The following HERC6 variants were observed in gnomAD, a reference collection of about 807,000 sequenced individuals.
The protein encoded by HERC6 is probable E3 ubiquitin-protein ligase HERC6.
A neutral mutation model predicts 114.5 loss-of-function variants in HERC6; 101 were observed. That is an observed-to-expected ratio of 0.88 (90% CI 0.75 to 1.04). The LOEUF is 1.04. HERC6 is among the 50% of genes least tolerant of loss of function. The pLI is 0.00. For synonymous variants in HERC6, 408 were observed against 436.2 expected (o/e 0.94, Z 0.81); for missense variants, 1,133 against 1,230.9 (o/e 0.92, Z 1.19).
At chr4:88,415,295 T>A (rs1171992135) in intron 12 of HERC6, among the ~76,000 whole-genome samples, 1 of 152,218 alleles carries the variant, frequency 6.6e-6, no homozygotes, top group African/African-American at 2.4e-5. Context: ...ATTTAATGGC[T>A]GAAGAATGTT....
Position 88,424,679 on chromosome 4 carries a change from G to A in HERC6, c.1912G>A (p.Ala638Thr), listed in dbSNP as rs765390732. 5.0e-6 allele frequency: 8 copies of A among 1,605,352 alleles called. No homozygotes were observed. The highest frequency in any genetic ancestry group is 1.3e-5 in the African/African-American group (1 of 74,618). The change falls in exon 15 of 23, where the codon GCT (alanine) becomes ACT (threonine). Residue 638 changes from alanine (A) to threonine (T), a missense_variant. Ala to Thr is a moderately conservative substitution (Grantham distance 58, BLOSUM62 0). Coordinates refer to ENST00000264346, the MANE Select transcript of HERC6 (RefSeq NM_017912.4). The stretch of plus-strand genomic sequence containing the variant: ...GCTATCCAAAATTAAATTATTGCAA[G>A]CTGATTCACATATAAAGATGCAGGT... ...NSLSKIKLLQ[A>T]DSHIKMQMSE... is the part of the protein sequence containing the mutation.
intron 8 of HERC6, 102 bp downstream of exon 8, chr4:88,398,311 C>A: frequency 1.8e-6 from 1 of 568,616 alleles, no homozygotes; most frequent in Non-Finnish European, 2.9e-6. Context: ...AGGTCTTTTA[C>A]TAAAACAATA....
At chr4:88,405,318 A>T (rs562488885) in intron 9 of HERC6, among the ~76,000 whole-genome samples, 10 of 152,334 alleles carry the variant, frequency 6.6e-5, no homozygotes, top group African/African-American at 2.4e-4. Context: ...TGGTCTTCAC[A>T]GGGATAGGTT....
In HERC6 at chr4:88,442,468, T is replaced by C. The variant is rs754535194; in HGVS notation, c.*8T>C. On this transcript the variant is annotated 3_prime_UTR_variant, in exon 23 of 23. Coordinates refer to ENST00000264346, the MANE Select transcript of HERC6 (RefSeq NM_017912.4). ...ATGCTCACACAGTCATAATCACCTCTGAGAGACTCAGGGTGGGCTTTCTCA... is the reference window on the plus strand; with the variant it reads ...ATGCTCACACAGTCATAATCACCTCCGAGAGACTCAGGGTGGGCTTTCTCA... The C allele has an allele frequency of 1.3e-6, 2 of 1,598,576 alleles. No homozygotes were observed. The highest frequency in any genetic ancestry group is 1.3e-5 in the African/African-American group (1 of 74,598).
intron 19 of HERC6, 43 bp downstream of exon 19, chr4:88,437,014 G>A (rs1300860754): frequency 2.9e-6 from 4 of 1,362,764 alleles, no homozygotes; most frequent in Non-Finnish European, 4.0e-6. Context: ...GCTTTAATCT[G>A]TTTCTAAAAA....
At chr4:88,386,639 T>C (rs115785747) in intron 3 of HERC6, among the ~76,000 whole-genome samples, 1 of 152,124 alleles carries the variant, frequency 6.6e-6, no homozygotes, top group East Asian at 1.9e-4. Context: ...GATAATAAAT[T>C]GTGGGAAAGT....
chr4:88,440,184 C>CCTA lies in HERC6; in HGVS notation c.2780_2782dup (p.Thr927dup), dbSNP rs376201530. 6.0e-5 allele frequency: 97 copies of CCTA among 1,609,006 alleles called. No individual in the cohort carries two copies. In the African/African-American group the frequency reaches 1.2e-3, roughly 20 times the overall value. ...TGAGCAAGGATACCAAAAATCACAT[C>CCTA]CTACTATACAGTTGTTTTGGAAGGC... is the stretch of plus-strand genomic sequence containing the variant. On this transcript the variant is annotated inframe_insertion, in exon 22 of 23. Coordinates refer to ENST00000264346, the MANE Select transcript of HERC6 (RefSeq NM_017912.4).
chr4:88,442,139 A>G (rs1471970523), intron 22 of HERC6, 95 bp from the exon 23 acceptor site: 2 of 869,982 alleles, frequency 2.3e-6, no homozygotes, highest in South Asian at 1.6e-5. Context: ...AGGACATTCA[A>G]TAAATACTTA....
At chr4:88,401,490 C>CAAAA (rs934279048) in intron 8 of HERC6, among the ~76,000 whole-genome samples, 2 of 56,732 alleles carry the variant, frequency 3.5e-5, no homozygotes, top group Admixed American at 4.1e-4. Context: ...GACTCCATCT[C>CAAAA]AAAAAAAAAA....
At position 88,436,893 on chromosome 4, in the gene HERC6, A is replaced by C; in HGVS notation, c.2418-12A>C. 6.3e-7 allele frequency: 1 copy of C among 1,584,872 alleles called. No homozygotes were observed. Among genetic ancestry groups the C allele is most frequent in the African/African-American group, 1.4e-5 (1 of 73,850 alleles). On this transcript the variant is annotated splice_polypyrimidine_tract_variant and intron_variant, in intron 18 of 22. Transcript: ENST00000264346. ...CAATAAATATAATTTTTAAAACCAA[A>C]ATCTTCATTAGGAGTTTGCAAGAAG...
chr4:88,385,178 T>C (rs1241068766), intron 2 of HERC6, among the ~76,000 whole-genome samples: 2 of 152,188 alleles, frequency 1.3e-5, no homozygotes, highest in Non-Finnish European at 2.9e-5. Context: ...CCCTATACTA[T>C]ATATGCAGAA....
chr4:88,401,396 G>A (rs749510634), intron 8 of HERC6, among the ~76,000 whole-genome samples: 8 of 151,656 alleles, frequency 5.3e-5, no homozygotes, highest in Non-Finnish European at 7.4e-5. Flanking sequence ...GGGAGGCTGA[G>A]GCAGAGAATT....
At chr4:88,412,570 G>A (rs1736174904) in intron 11 of HERC6, among the ~76,000 whole-genome samples, 1 of 152,188 alleles carries the variant, frequency 6.6e-6, no homozygotes, top group Non-Finnish European at 1.5e-5. Context: ...CACTCCAGCT[G>A]TAATTGAGCC....
chr4:88,440,042 G>A lies in HERC6; in HGVS notation c.2724G>A (p.Trp908Ter), dbSNP rs776174786. The change falls in exon 21 of 23, where the codon TGG becomes TGA. Residue 908 changes from tryptophan (W) to a stop codon, truncating the protein, a stop_gained. Coordinates refer to ENST00000264346, the MANE Select transcript of HERC6 (RefSeq NM_017912.4). LOFTEE classifies it high-confidence loss of function. ...TAIIGNTDYD[W>*]KQFEQNSKYE... ...TCATTGGAAATACTGATTATGACTG[G>A]AAACAGTTTGAACAGGTAGGTGATA... is the stretch of plus-strand genomic sequence containing the variant. 1.9e-6 allele frequency: 3 copies of A among 1,610,232 alleles called. No homozygotes were observed. The East Asian group carries it at 6.7e-5, about 36-fold the overall frequency.
In HERC6 at chr4:88,398,156, C is replaced by A; in HGVS notation, c.1039C>A (p.Gln347Lys). The A allele has an allele frequency of 6.3e-7, 1 of 1,594,422 alleles. No homozygotes were observed. ...CTTTCTTTTAGACTTCGTGGATGTT[C>A]AAGTCAAACACATTTTTGCTGGAAC... ...LISAEDFVDV[Q>K]VKHIFAGTYA... Residue 347 changes from glutamine to lysine, a missense_variant, in exon 8 of 23, where the codon CAA becomes AAA. Transcript: ENST00000264346.
chr4:88,382,348 A>C (rs1734367320), intron 1 of HERC6, among the ~76,000 whole-genome samples: 1 of 152,134 alleles, frequency 6.6e-6, no homozygotes, highest in Non-Finnish European at 1.5e-5. Flanking sequence ...CCATAGGGGC[A>C]TATTTTTCAC....
rs1197261547 is a variant in HERC6, at chr4:88,379,590, T to A, written c.199+470T>A. ...ACGTGGTTTGTGGGTCAGACACCTG[T>A]ATCTCCCTTAGAAATACACTGGGGC... On this transcript the variant is annotated intron_variant, in intron 1 of 22. Transcript: ENST00000264346. Among the ~76,000 whole-genome samples, 4 of 143,488 alleles carry A rather than the reference T, an allele frequency of 2.8e-5. No homozygotes were observed. In the South Asian group the frequency reaches 6.3e-4, roughly 23 times the overall value. The allele number at this position is 143,488 out of a possible 152,430, so 94.1% of individuals were successfully genotyped here.
intron 8 of HERC6, chr4:88,399,457 T>C (rs1242309485): frequency 6.6e-6 from 1 of 152,170 alleles, no homozygotes; most frequent in East Asian, 1.9e-4. Context: ...ACCATAAATA[T>C]GTAAATGCAA....
rs1275291030 is a variant in HERC6, at chr4:88,405,987, TC to T, written c.1274+375del. ...TGTGTATGATCAATTAAAAAATAGA[TC>T]TTATTTATGTTGTCTTTAACTCACT... is the stretch of plus-strand genomic sequence containing the variant. On this transcript the variant is annotated intron_variant, in intron 10 of 22. Coordinates refer to ENST00000264346, the MANE Select transcript of HERC6 (RefSeq NM_017912.4). 2.0e-5 allele frequency among the ~76,000 whole-genome samples: 3 copies of T among 152,272 alleles called. No individual in the cohort carries two copies. In the East Asian group the frequency reaches 5.8e-4, roughly 29 times the overall value.
Sources: gnomAD v4.1 joint callset for allele counts (sites outside exome capture counted in the v4.1 genomes callset) on GRCh38, gnomAD v4.1.1 for gene constraint, MANE v1.5 for transcripts, NCBI Gene and HGNC (gene_info 2026-07-23, HGNC 2026-07-21) for gene names.